The following MITF variants were observed in gnomAD, a reference collection of about 807,000 sequenced individuals.
MITF encodes the protein melanocyte inducing transcription factor.
A neutral mutation model predicts 60.5 loss-of-function variants in MITF; 17 were observed. The ratio of observed to expected loss-of-function variants is 0.28; its 90% CI spans 0.19 to 0.42. The LOEUF is 0.42. Ranked by LOEUF, MITF falls within the 10% of genes least tolerant of loss-of-function variation. The probability of loss-of-function intolerance (pLI) is 1.00; values close to 1 mark genes in which losing one functional copy is unlikely to be tolerated. For missense variants in MITF, 622 were observed against 683.5 expected (o/e 0.91, Z 1.00); for synonymous variants, 260 against 248.5 (o/e 1.05, Z -0.43).
chr3:69,774,888 C>T (rs1392355629), intron 1 of MITF, among the ~76,000 whole-genome samples: 1 of 152,174 alleles, frequency 6.6e-6, no homozygotes, highest in Admixed American at 6.5e-5. Flanking sequence ...GGAGGGGAAA[C>T]TGAGGTTCAG....
At chr3:69,928,500 A>C (rs988241661) in intron 2 of MITF, among the ~76,000 whole-genome samples, 1 of 152,194 alleles carries the variant, frequency 6.6e-6, no homozygotes, top group African/African-American at 2.4e-5. Context: ...TCCAGTTGTC[A>C]GTGTCAGAAT....
intron 7 of MITF, among the ~76,000 whole-genome samples, chr3:69,952,268 T>A (rs1023206281): frequency 2.0e-5 from 3 of 151,942 alleles, no homozygotes; most frequent in Non-Finnish European, 2.9e-5. Flanking sequence ...CCAATGAGAT[T>A]TGAAAGAAAA....
chr3:69,792,090 CT>C (rs1388627085), intron 1 of MITF, among the ~76,000 whole-genome samples: 1 of 152,162 alleles, frequency 6.6e-6, no homozygotes, highest in African/African-American at 2.4e-5. Flanking sequence ...CAGTTGCTGC[CT>C]CTGTTTTTGA....
intron 1 of MITF, among the ~76,000 whole-genome samples, chr3:69,825,626 T>A (rs551584741): frequency 6.6e-6 from 1 of 152,294 alleles, no homozygotes; most frequent in South Asian, 2.1e-4. Context: ...CCATAGCAGT[T>A]GTTCTTTTCT....
intron 9 of MITF, among the ~76,000 whole-genome samples, chr3:69,964,222 C>A (rs2066627303): frequency 6.6e-6 from 1 of 151,672 alleles, no homozygotes; most frequent in South Asian, 2.1e-4. Context: ...AGGTGATCCG[C>A]CCCCCTCGGC....
intron 2 of MITF, among the ~76,000 whole-genome samples, chr3:69,903,861 C>G (rs924180845): frequency 1.1e-4 from 17 of 152,170 alleles, no homozygotes; most frequent in Admixed American, 1.1e-3. Context: ...CTCCCATGCA[C>G]TGGATGTGCG....
At chr3:69,817,850 T>A (rs1278892175) in intron 1 of MITF, among the ~76,000 whole-genome samples, 1 of 152,170 alleles carries the variant, frequency 6.6e-6, no homozygotes, top group Non-Finnish European at 1.5e-5. Flanking sequence ...TCATGTTTGA[T>A]CAATATCAAG....
chr3:69,939,299 T>TA, intron 4 of MITF, 118 bp downstream of exon 4: 6 of 888,242 alleles, frequency 6.8e-6, no homozygotes, highest in South Asian at 1.6e-5. Flanking sequence ...TTTTTTTTTT[T>TA]TATAGAGAAA....
chr3:69,923,578 TCC>T (rs2065517941), intron 2 of MITF, among the ~76,000 whole-genome samples: 1 of 152,212 alleles, frequency 6.6e-6, no homozygotes, highest in African/African-American at 2.4e-5. Context: ...TGCCTTGGCC[TCC>T]CAGAGTGCTG....
At chr3:69,922,314 T>A (rs1304202306) in intron 2 of MITF, among the ~76,000 whole-genome samples, 1 of 152,114 alleles carries the variant, frequency 6.6e-6, no homozygotes, top group Non-Finnish European at 1.5e-5. Flanking sequence ...CTCTGCCTCC[T>A]GGGTTCAGGT....
At chr3:69,763,525 C>T (rs2062241766) in intron 1 of MITF, 1 of 1,103,346 alleles carries the variant, frequency 9.1e-7, no homozygotes, top group Non-Finnish European at 1.1e-6. Flanking sequence ...CTCCTGCTGC[C>T]AAGGATCCTG....
chr3:69,907,352 G>C (rs78807511), intron 2 of MITF, among the ~76,000 whole-genome samples: 2,333 of 152,114 alleles, frequency 0.015, 28 homozygotes, highest in Middle Eastern at 0.051. Flanking sequence ...ATAAATGAAC[G>C]AGTTATTCAT....
intron 1 of MITF, among the ~76,000 whole-genome samples, chr3:69,772,446 T>A (rs2062408353): frequency 6.6e-6 from 1 of 152,190 alleles, no homozygotes; most frequent in East Asian, 1.9e-4. Flanking sequence ...AAGCAAACCA[T>A]CCTTTTCTGT....
intron 1 of MITF, among the ~76,000 whole-genome samples, chr3:69,850,476 C>T (rs1360031343): frequency 7.4e-6 from 1 of 135,314 alleles, no homozygotes; most frequent in Non-Finnish European, 1.7e-5. Flanking sequence ...CATAGCATAC[C>T]TTCCATAATT....
chr3:69,814,209 T>C (rs2063145492), intron 1 of MITF, among the ~76,000 whole-genome samples: 1 of 152,190 alleles, frequency 6.6e-6, no homozygotes, highest in Non-Finnish European at 1.5e-5. Context: ...TCCATATACT[T>C]TTGGCCATCT....
intron 2 of MITF, among the ~76,000 whole-genome samples, chr3:69,907,051 G>T (rs1314880428): frequency 1.3e-5 from 2 of 151,986 alleles, no homozygotes; most frequent in East Asian, 1.9e-4. Flanking sequence ...CCTGAAGAAA[G>T]GTTTAACAAG....
At chr3:69,837,927 A>C (rs2107127317) in intron 1 of MITF, among the ~76,000 whole-genome samples, 1 of 152,332 alleles carries the variant, frequency 6.6e-6, no homozygotes, top group East Asian at 1.9e-4. Flanking sequence ...GTGTGTATGC[A>C]TGTGTGTATT....
At chr3:69,808,993 A>C (rs182794714) in intron 1 of MITF, among the ~76,000 whole-genome samples, 1 of 152,256 alleles carries the variant, frequency 6.6e-6, no homozygotes, top group East Asian at 1.9e-4. Context: ...GTGGGAGACT[A>C]TGATGACTTT....
At chr3:69,785,816 C>T (rs1455019010) in intron 1 of MITF, among the ~76,000 whole-genome samples, 1 of 151,982 alleles carries the variant, frequency 6.6e-6, no homozygotes, top group Non-Finnish European at 1.5e-5. Flanking sequence ...AAAAAGGAAT[C>T]GTGGGAGGTG....
Sources: gnomAD v4.1 joint callset for allele counts (sites outside exome capture counted in the v4.1 genomes callset) on GRCh38, gnomAD v4.1.1 for gene constraint, MANE v1.5 for transcripts, NCBI Gene and HGNC (gene_info 2026-07-23, HGNC 2026-07-21) for gene names.